ARHGAP42: variants seen among roughly 807,000 people sequenced by gnomAD.
ARHGAP42 encodes the protein rho GTPase-activating protein 42.
A neutral mutation model predicts 125.0 loss-of-function variants in ARHGAP42; 63 were observed. The observed-to-expected ratio is 0.50, with a 90% CI of 0.41 to 0.62. The LOEUF is 0.62. ARHGAP42 is among the 20% of genes least tolerant of loss of function. The probability of loss-of-function intolerance (pLI) is 0.00; values close to 1 mark genes in which losing one functional copy is unlikely to be tolerated. For synonymous variants in ARHGAP42, 339 were observed against 351.0 expected (o/e 0.97, Z 0.38); for missense variants, 766 against 1,024.2 (o/e 0.75, Z 3.44).
intron 3 of ARHGAP42, among the ~76,000 whole-genome samples, chr11:100,847,801 T>C (rs535732406): frequency 2.6e-5 from 4 of 152,156 alleles, no homozygotes; most frequent in East Asian, 3.9e-4. Flanking sequence ...GGACCTGCAT[T>C]GAGGGTGTGT....
intron 3 of ARHGAP42, among the ~76,000 whole-genome samples, chr11:100,850,284 T>C (rs1865171824): frequency 6.6e-6 from 1 of 152,204 alleles, no homozygotes; most frequent in African/African-American, 2.4e-5. Context: ...GTGGTTCCAC[T>C]GTAACTTAAG....
intron 1 of ARHGAP42, among the ~76,000 whole-genome samples, chr11:100,699,832 T>C (rs1861367762): frequency 6.6e-6 from 1 of 152,134 alleles, no homozygotes; most frequent in Non-Finnish European, 1.5e-5. Flanking sequence ...GATTCTCTTA[T>C]AATTCTTGAG....
At chr11:100,847,419 A>G (rs1224265749) in intron 3 of ARHGAP42, among the ~76,000 whole-genome samples, 1 of 152,122 alleles carries the variant, frequency 6.6e-6, no homozygotes, top group Non-Finnish European at 1.5e-5. Context: ...GCAGCAAAAA[A>G]GGTTTTTAGG....
intron 18 of ARHGAP42, 21 bp from the exon 19 acceptor site, chr11:100,974,438 G>A (rs1858333794): frequency 1.2e-5 from 18 of 1,546,158 alleles, no homozygotes; most frequent in South Asian, 2.4e-5. Flanking sequence ...ATTGACCTTG[G>A]TCCATTTTTC....
At chr11:100,892,032 A>G (rs1403978257) in intron 4 of ARHGAP42, among the ~76,000 whole-genome samples, 1 of 152,210 alleles carries the variant, frequency 6.6e-6, no homozygotes, top group East Asian at 1.9e-4. Context: ...GTATTAGTAG[A>G]GCATAAAATA....
chr11:100,714,672 A>T (rs529523419), intron 1 of ARHGAP42, among the ~76,000 whole-genome samples: 2 of 152,182 alleles, frequency 1.3e-5, no homozygotes, highest in East Asian at 3.9e-4. Flanking sequence ...GGCTTTTCAG[A>T]TTCTTTTTGG....
chr11:100,849,214 T>C (rs188398437), intron 3 of ARHGAP42, among the ~76,000 whole-genome samples: 58 of 149,518 alleles, frequency 3.9e-4, no homozygotes, highest in African/African-American at 1.3e-3. Flanking sequence ...TTGTCTAGTA[T>C]TGACATATCA....
At chr11:100,693,955 T>G (rs566898795) in intron 1 of ARHGAP42, among the ~76,000 whole-genome samples, 1 of 151,740 alleles carries the variant, frequency 6.6e-6, no homozygotes, top group South Asian at 2.1e-4. Context: ...TTTTTTTTGA[T>G]GGAGTCTCGC....
intron 4 of ARHGAP42, among the ~76,000 whole-genome samples, chr11:100,885,010 G>A (rs1866054910): frequency 6.6e-6 from 1 of 152,134 alleles, no homozygotes; most frequent in African/African-American, 2.4e-5. Context: ...TTCTTCCCCA[G>A]TGAGCATGTG....
At chr11:100,868,240 T>A (rs1004511067) in intron 4 of ARHGAP42, among the ~76,000 whole-genome samples, 2 of 152,206 alleles carry the variant, frequency 1.3e-5, no homozygotes, top group African/African-American at 4.8e-5. Flanking sequence ...CAATATCTAA[T>A]GTACAGTAAA....
intron 4 of ARHGAP42, among the ~76,000 whole-genome samples, chr11:100,876,303 A>C (rs1020619175): frequency 2.0e-5 from 3 of 152,200 alleles, no homozygotes; most frequent in Middle Eastern, 3.2e-3. Context: ...GAAAATATAT[A>C]CGTTCTTAGT....
chr11:100,714,334 A>G (rs187656934), intron 1 of ARHGAP42, among the ~76,000 whole-genome samples: 1 of 152,310 alleles, frequency 6.6e-6, no homozygotes, highest in East Asian at 1.9e-4. Flanking sequence ...AAAACATTTC[A>G]AAGGGCTAAC....
intron 1 of ARHGAP42, among the ~76,000 whole-genome samples, chr11:100,705,191 G>T (rs1861465029): frequency 6.6e-6 from 1 of 152,114 alleles, no homozygotes; most frequent in African/African-American, 2.4e-5. Flanking sequence ...ATTAAATCTG[G>T]CTAAAAGAAA....
chr11:100,853,664 A>G (rs541806608), intron 3 of ARHGAP42, among the ~76,000 whole-genome samples: 1 of 152,228 alleles, frequency 6.6e-6, no homozygotes, highest in South Asian at 2.1e-4. Context: ...GAAAATGGTC[A>G]ATTCCTTCTT....
chr11:100,885,909 G>T (rs1220341248), intron 4 of ARHGAP42, among the ~76,000 whole-genome samples: 1 of 152,176 alleles, frequency 6.6e-6, no homozygotes, highest in African/African-American at 2.4e-5. Context: ...ACTAAGTGCT[G>T]TGGGAAAAGA....
intron 4 of ARHGAP42, among the ~76,000 whole-genome samples, chr11:100,881,497 G>A (rs895144917): frequency 6.6e-6 from 1 of 152,168 alleles, no homozygotes; most frequent in African/African-American, 2.4e-5. Context: ...AGTATAGTTT[G>A]AAATCAGTTA....
chr11:100,952,733 G>GTTTTTTTTTTT (rs1857696882), intron 12 of ARHGAP42, among the ~76,000 whole-genome samples: 2 of 21,314 alleles, frequency 9.4e-5, no homozygotes, highest in Non-Finnish European at 1.8e-4. Context: ...CCTAAGTCAG[G>GTTTTTTTTTTT]CTTTTTTTTT....
chr11:100,695,430 A>G (rs914376827), intron 1 of ARHGAP42, among the ~76,000 whole-genome samples: 1 of 152,066 alleles, frequency 6.6e-6, no homozygotes, highest in Non-Finnish European at 1.5e-5. Flanking sequence ...CAGCCTCCCA[A>G]GGAGCTGGGA....
At chr11:100,712,523 C>T (rs796421989) in intron 1 of ARHGAP42, among the ~76,000 whole-genome samples, 5 of 152,216 alleles carry the variant, frequency 3.3e-5, no homozygotes, top group African/African-American at 1.2e-4. Flanking sequence ...TTCTTCCTCC[C>T]CCCTTCTCCC....
Sources: gnomAD v4.1 joint callset for allele counts (sites outside exome capture counted in the v4.1 genomes callset) on GRCh38, gnomAD v4.1.1 for gene constraint, MANE v1.5 for transcripts, NCBI Gene and HGNC (gene_info 2026-07-23, HGNC 2026-07-21) for gene names.